The following SLC37A2 variants were observed in gnomAD, a reference collection of about 807,000 sequenced individuals.
SLC37A2 encodes glucose-6-phosphate exchanger SLC37A2.
SLC37A2 carries 59 observed loss-of-function variants against 70.7 expected under a neutral mutation model. That is an observed-to-expected ratio of 0.83 (90% CI 0.68 to 1.04). The LOEUF (loss-of-function observed/expected upper bound fraction) is 1.04, where lower values mean the gene tolerates loss of function less well. SLC37A2 is among the 50% of genes least tolerant of loss of function. The pLI is 0.00. For synonymous variants in SLC37A2, 257 were observed against 262.1 expected (o/e 0.98, Z 0.19); for missense variants, 580 against 658.1 (o/e 0.88, Z 1.30).
chr11:125,063,385 T>G lies in SLC37A2; in HGVS notation c.18T>G (p.Ala6=), dbSNP rs1948948757. The G allele has an allele frequency of 6.2e-7, 1 of 1,611,912 alleles. No homozygotes were observed. The highest frequency in any genetic ancestry group is 1.3e-5 in the African/African-American group (1 of 74,764). Reference sequence around the variant, plus strand: ...CAGGCAAAATGCGGTCCTCCCTGGCTCCGGGAGTCTGGTTCTTCCGGGCCT... The same window carrying G: ...CAGGCAAAATGCGGTCCTCCCTGGCGCCGGGAGTCTGGTTCTTCCGGGCCT... MRSSL[A]PGVWFFRAFS... is the part of the protein sequence containing the mutation. Residue 6 remains alanine, a synonymous_variant, in exon 1 of 18, where the codon GCT becomes GCG. Coordinates refer to ENST00000403796, the MANE Select transcript of SLC37A2 (RefSeq NM_001145290.2). This position sits in a 1 kb window ranked among gnomAD's most constrained non-coding sequence, Gnocchi z 5.4.
chr11:125,083,792 C>T lies in SLC37A2; in HGVS notation c.977-23C>T. ...TGTTTGCCCCAAACCCCAGGTCTGA[C>T]CACATACCTGTATTTTCCACAGCTC... On this transcript the variant is annotated intron_variant, in intron 10 of 17. Coordinates refer to ENST00000403796, the MANE Select transcript of SLC37A2 (RefSeq NM_001145290.2). This position sits in a 1 kb window ranked among gnomAD's most constrained non-coding sequence, Gnocchi z 4.6. 2 of 1,609,562 alleles carry T rather than the reference C, an allele frequency of 1.2e-6. No homozygotes were observed. Among genetic ancestry groups the T allele is most frequent in the South Asian group, 2.2e-5 (2 of 90,966 alleles).
intron 1 of SLC37A2, among the ~76,000 whole-genome samples, chr11:125,071,340 G>T (rs1303910289): frequency 6.6e-6 from 1 of 152,172 alleles, no homozygotes; most frequent in Non-Finnish European, 1.5e-5. Context: ...CCTGTTGGCT[G>T]CCTCTTCTGA....
intron 5 of SLC37A2, 149 bp from the exon 6 acceptor site, chr11:125,079,535 T>C: frequency 1.5e-6 from 1 of 658,868 alleles, no homozygotes; most frequent in South Asian, 1.9e-5. Context: ...AGGTGTGGCA[T>C]GTGTGTAAGG....
intron 1 of SLC37A2, among the ~76,000 whole-genome samples, chr11:125,067,228 C>T (rs12293971): frequency 0.24 from 36,691 of 152,014 alleles, 4,867 homozygotes; most frequent in African/African-American, 0.35. Context: ...ATCCTCCTAC[C>T]TCATCCTCCC....
At chr11:125,065,116 G>T (rs151215252) in intron 1 of SLC37A2, among the ~76,000 whole-genome samples, 2,617 of 152,274 alleles carry the variant, frequency 0.017, 58 homozygotes, top group Non-Finnish European at 0.022. Flanking sequence ...CCACTTCAAA[G>T]AATTTTAAAA....
intron 7 of SLC37A2, 124 bp from the exon 8 acceptor site, chr11:125,081,297 A>G: frequency 4.4e-6 from 4 of 913,850 alleles, no homozygotes; most frequent in Non-Finnish European, 6.6e-6. Flanking sequence ...CCACCTTAGG[A>G]GCTGGAGGCG....
chr11:125,076,746 C>A lies in SLC37A2; in HGVS notation c.60-11C>A, dbSNP rs755108229. ...ACTTCCCACTAACGCAGATGCTGTC[C>A]CTTCCTGCAGGTTCCGAGGCCTCAT... On this transcript the variant is annotated splice_polypyrimidine_tract_variant and intron_variant, in intron 1 of 17. Transcript: ENST00000403796. 1.2e-6 allele frequency: 2 copies of A among 1,613,798 alleles called. No individual in the cohort carries two copies. The highest frequency in any genetic ancestry group is 1.1e-5 in the South Asian group (1 of 91,078).
chr11:125,084,631 G>C (rs1949184627), intron 12 of SLC37A2, among the ~76,000 whole-genome samples, 194 bp from the exon 13 acceptor site: 1 of 152,236 alleles, frequency 6.6e-6, no homozygotes, highest in Non-Finnish European at 1.5e-5. Context: ...TGGAGAAAGG[G>C]AGATGATAGA....
intron 1 of SLC37A2, among the ~76,000 whole-genome samples, chr11:125,070,612 A>G (rs992659134): frequency 7.9e-5 from 12 of 152,166 alleles, no homozygotes; most frequent in Non-Finnish European, 1.6e-4. Flanking sequence ...GACTGCAAAG[A>G]GGTGCATGGT....
Position 125,076,751 on chromosome 11 carries a change from C to T in SLC37A2, c.60-6C>T, listed in dbSNP as rs1949091329. ...CCACTAACGCAGATGCTGTCCCTTC[C>T]TGCAGGTTCCGAGGCCTCATCCTGC... is the stretch of plus-strand genomic sequence containing the variant. On this transcript the variant is annotated splice_region_variant and splice_polypyrimidine_tract_variant and intron_variant, in intron 1 of 17. Coordinates refer to ENST00000403796, the MANE Select transcript of SLC37A2 (RefSeq NM_001145290.2). The T allele has an allele frequency of 1.2e-6, 2 of 1,614,002 alleles. No homozygotes were observed. Among genetic ancestry groups the T allele is most frequent in the Admixed American group, 1.7e-5 (1 of 60,006 alleles).
intron 17 of SLC37A2, chr11:125,087,884 G>A (rs1327876071): frequency 2.4e-5 from 10 of 413,946 alleles, no homozygotes; most frequent in Non-Finnish European, 4.0e-5. Context: ...CACCCGCCTC[G>A]GCCTCCCAAA....
intron 1 of SLC37A2, among the ~76,000 whole-genome samples, chr11:125,071,143 G>T (rs763251149): frequency 2.0e-5 from 3 of 152,100 alleles, no homozygotes; most frequent in South Asian, 4.2e-4. Context: ...TGTGTGGGGT[G>T]GGGGGGCGGT....
At chr11:125,085,735 C>T in intron 16 of SLC37A2, 61 bp downstream of exon 16, 1 of 1,559,640 alleles carries the variant, frequency 6.4e-7, no homozygotes, top group Non-Finnish European at 8.8e-7. Flanking sequence ...CAGACTGGAA[C>T]CCTGGAGGTC....
chr11:125,089,591 C>A lies in SLC37A2; in HGVS notation c.*1457C>A, dbSNP rs1949262257. 1 of 153,126 alleles carries A rather than the reference C, an allele frequency of 6.5e-6. No individual in the cohort carries two copies. The highest frequency in any genetic ancestry group is 1.9e-4 in the East Asian group (1 of 5,220). 9.5% of individuals were successfully genotyped at this position (153,126 alleles called of 1,614,324 possible). On this transcript the variant is annotated 3_prime_UTR_variant, in exon 18 of 18. Transcript: ENST00000403796. ...GGGCTTGGCGGGCCTGCACTCGGAG[C>A]AGCCGGCCGGCCCTTCCGGCCCCGG...
rs1671296137 is a variant in SLC37A2 at position 125,083,816 on chromosome 11, T to C, written c.978T>C (p.Ala326=). ...ACCACATACCTGTATTTTCCACAGC[T>C]CACTTTAGTGCCAAGGAGGCTGGGG... ...YWLPLYIANV[A]HFSAKEAGDL... is the part of the protein sequence containing the mutation. The change falls in exon 11 of 18, where the codon GCT becomes GCC. Residue 326 remains alanine (A), a splice_region_variant and synonymous_variant. Transcript: ENST00000403796. The surrounding 1 kb of genome is among the most constrained non-coding windows in gnomAD (Gnocchi z 4.6). 1 of 1,614,098 alleles carries C rather than the reference T, an allele frequency of 6.2e-7. No individual in the cohort carries two copies. Among genetic ancestry groups the C allele is most frequent in the East Asian group, 2.2e-5 (1 of 44,870 alleles).
intron 2 of SLC37A2, 56 bp downstream of exon 2, chr11:125,076,894 T>C: frequency 6.4e-7 from 1 of 1,568,238 alleles, no homozygotes; most frequent in Non-Finnish European, 8.8e-7. Context: ...TAACCGTCCT[T>C]ACCCCTTCCC....
intron 2 of SLC37A2, 37 bp from the exon 3 acceptor site, chr11:125,077,193 G>A (rs1176554058): frequency 6.6e-7 from 1 of 1,512,358 alleles, no homozygotes; most frequent in African/African-American, 1.4e-5. Context: ...TCCCCTCTGG[G>A]TCAACCCCTG....
At chr11:125,079,282 G>C (rs1440529424) in intron 5 of SLC37A2, 35 bp downstream of exon 5, 2 of 1,612,950 alleles carry the variant, frequency 1.2e-6, no homozygotes, top group Non-Finnish European at 1.7e-6. Flanking sequence ...GGCCTGTGTT[G>C]CCGTCTCGGG....
rs148680475 is a variant in SLC37A2 at position 125,079,146 on chromosome 11, T to C, written c.349T>C (p.Tyr117His). The C allele has an allele frequency of 3.7e-6, 6 of 1,614,242 alleles. No homozygotes were observed. The highest frequency in any genetic ancestry group is 5.1e-6 in the Non-Finnish European group (6 of 1,180,024). The change falls in exon 5 of 18, where the codon TAC (tyrosine) becomes CAC (histidine). Residue 117 changes from tyrosine (Y) to histidine (H), a missense_variant. Coordinates refer to ENST00000403796, the MANE Select transcript of SLC37A2 (RefSeq NM_001145290.2). ...TGGGGAGCGGCTTCCGCTCCGTTAC[T>C]ACCTCTCAGCTGGAATGCTGCTCAG... ...VFGERLPLRY[Y>H]LSAGMLLSGL...
Sources: gnomAD v4.1 joint callset for allele counts (sites outside exome capture counted in the v4.1 genomes callset) on GRCh38, gnomAD v4.1.1 for gene constraint, Gnocchi (gnomAD v3.1) non-coding constraint, MANE v1.5 for transcripts, NCBI Gene and HGNC (gene_info 2026-07-23, HGNC 2026-07-21) for gene names.